The following PCDH11X variants were observed in gnomAD, a reference collection of about 807,000 sequenced individuals.
PCDH11X encodes the protein protocadherin 11 X-linked, also known as protocadherin-11 X-linked.
Under a neutral mutation model 53.3 loss-of-function variants are expected in PCDH11X, and 18 were observed. The observed-to-expected ratio is 0.34, with a 90% CI of 0.23 to 0.50. The LOEUF is 0.50. Ranked by LOEUF, PCDH11X falls within the 20% of genes least tolerant of loss-of-function variation. PCDH11X has a pLI of 0.98. For synonymous variants in PCDH11X, 279 were observed against 393.3 expected (o/e 0.71, Z 3.44); for missense variants, 570 against 1,032.4 (o/e 0.55, Z 6.14).
intron 6 of PCDH11X, among the ~76,000 whole-genome samples, chrX:92,157,538 A>G (rs1167634195): frequency 8.9e-6 from 1 of 112,098 alleles, no homozygotes; most frequent in Non-Finnish European, 1.9e-5. Flanking sequence ...GTGAGTCACT[A>G]TAAGAAAACG....
At chrX:92,022,760 CAT>C (rs902750750) in intron 6 of PCDH11X, among the ~76,000 whole-genome samples, 1 of 111,822 alleles carries the variant, frequency 8.9e-6, no homozygotes, top group Non-Finnish European at 1.9e-5. Context: ...AAATCAACCA[CAT>C]GATTCGAAGT....
intron 6 of PCDH11X, among the ~76,000 whole-genome samples, chrX:92,177,276 C>A (rs942752551): frequency 1.8e-5 from 2 of 111,293 alleles, no homozygotes; most frequent in African/African-American, 6.5e-5. Context: ...CTGTGCCCGG[C>A]CACAAGGTAG....
At chrX:92,161,530 T>C (rs1260072095) in intron 6 of PCDH11X, among the ~76,000 whole-genome samples, 1 of 110,555 alleles carries the variant, frequency 9.0e-6, no homozygotes, top group African/African-American at 3.3e-5. Context: ...TCCCAGGTGT[T>C]CTTTGAGCTT....
intron 5 of PCDH11X, among the ~76,000 whole-genome samples, chrX:91,859,076 T>C (rs1056135662): frequency 9.1e-5 from 10 of 109,456 alleles, no homozygotes; most frequent in African/African-American, 3.3e-4. Flanking sequence ...GAATCCACAG[T>C]TTACAACAAC....
chrX:92,277,998 A>G (rs1373561301), intron 8 of PCDH11X, among the ~76,000 whole-genome samples: 1 of 111,718 alleles, frequency 9.0e-6, no homozygotes, highest in Non-Finnish European at 1.9e-5. Context: ...GCGTCCCTGC[A>G]ATGATTAAAC....
intron 6 of PCDH11X, among the ~76,000 whole-genome samples, chrX:92,051,560 G>A (rs1333874910): frequency 2.7e-5 from 3 of 111,353 alleles, no homozygotes; most frequent in African/African-American, 9.8e-5. Context: ...TATTTCTACA[G>A]TACTAGTAAC....
intron 9 of PCDH11X, among the ~76,000 whole-genome samples, chrX:92,437,833 C>G (rs1214860009): frequency 9.1e-6 from 1 of 109,462 alleles, no homozygotes; most frequent in Non-Finnish European, 1.9e-5. Flanking sequence ...GCTTTAAGCC[C>G]TAATATGACT....
At chrX:92,577,391 A>C (rs1923109917) in intron 10 of PCDH11X, among the ~76,000 whole-genome samples, 1 of 109,646 alleles carries the variant, frequency 9.1e-6, no homozygotes. Context: ...CAGTGGTGGT[A>C]TCCCCCTTAT....
intron 6 of PCDH11X, among the ~76,000 whole-genome samples, chrX:92,038,118 C>T (rs1284206121): frequency 1.8e-5 from 2 of 110,588 alleles, no homozygotes; most frequent in Non-Finnish European, 3.8e-5. Context: ...AAATTCAGAG[C>T]CTGACAATGT....
intron 9 of PCDH11X, among the ~76,000 whole-genome samples, chrX:92,426,451 A>G (rs1166003783): frequency 9.0e-6 from 1 of 110,515 alleles, no homozygotes; most frequent in Admixed American, 9.7e-5. Flanking sequence ...TGTAATAACA[A>G]TTTGTCCTGC....
At chrX:92,409,806 T>G (rs937208336) in intron 9 of PCDH11X, among the ~76,000 whole-genome samples, 16 of 112,173 alleles carry the variant, frequency 1.4e-4, no homozygotes, top group African/African-American at 5.2e-4. Flanking sequence ...CTCTACCTCA[T>G]TTTGCTTGTG....
intron 9 of PCDH11X, among the ~76,000 whole-genome samples, chrX:92,419,669 C>CTTTTTT (rs757189751): frequency 1.8e-5 from 1 of 54,190 alleles, no homozygotes; most frequent in African/African-American, 7.7e-5. Context: ...TCCCTCCACC[C>CTTTTTT]TTTTTTTTTT....
At chrX:92,600,885 C>T (rs1047799378) in intron 10 of PCDH11X, among the ~76,000 whole-genome samples, 1 of 101,497 alleles carries the variant, frequency 9.9e-6, no homozygotes, top group Non-Finnish European at 2.0e-5. Flanking sequence ...ATCAGTGTGA[C>T]GTGGATGTGA....
At chrX:91,884,077 G>T (rs1440798528) in intron 6 of PCDH11X, 1 of 121,705 alleles carries the variant, frequency 8.2e-6, no homozygotes, top group Non-Finnish European at 1.5e-5. Context: ...TGTAATCCCA[G>T]CTACTCGGGA....
rs991274302 is a variant in PCDH11X, at chrX:92,317,952, A to G, written c.3144+54809A>G. ...AATGTTAGTTATTGTTATTAGTAGT[A>G]CTGATAGTAGAAGTAGTAACAATAG... is the stretch of plus-strand genomic sequence containing the variant. On this transcript the variant is annotated intron_variant, in intron 8 of 10. Transcript: ENST00000682573. Among the ~76,000 whole-genome samples, 12 of 111,558 alleles carry G rather than the reference A, an allele frequency of 1.1e-4. No homozygotes were observed. In the Admixed American group the frequency reaches 1.2e-3, roughly 11 times the overall value.
chrX:92,296,540 C>T (rs1328158843), intron 8 of PCDH11X, among the ~76,000 whole-genome samples: 1 of 111,323 alleles, frequency 9.0e-6, no homozygotes, highest in Non-Finnish European at 1.9e-5. Flanking sequence ...AGGACAATGG[C>T]GTCCAGCTCC....
intron 4 of PCDH11X, among the ~76,000 whole-genome samples, chrX:91,813,079 T>C (rs1936341118): frequency 9.0e-6 from 1 of 111,305 alleles, no homozygotes; most frequent in African/African-American, 3.3e-5. Context: ...ATTCAGGTAG[T>C]AAAGCCAAAT....
rs746761322 is a variant in PCDH11X at position 92,077,342 on chromosome X, C to T, written c.3034-124033C>T. On this transcript the variant is annotated intron_variant, in intron 6 of 10. Transcript: ENST00000682573. ...ATAGCTGAAGGAACACCCGAGCAGA[C>T]GTAAGGAAATATTAATCCTAGCTTT... is the stretch of plus-strand genomic sequence containing the variant. Among the ~76,000 whole-genome samples, 179 of 106,268 alleles carry T rather than the reference C, an allele frequency of 1.7e-3. 1 individual carries two copies. The highest frequency in any genetic ancestry group is 2.9e-3 in the Non-Finnish European group (152 of 51,582). The allele number at this position is 106,268 out of a possible 115,157, so 92.3% of individuals were successfully genotyped here.
At chrX:92,219,061 C>A (rs1289951198) in intron 7 of PCDH11X, among the ~76,000 whole-genome samples, 1 of 111,050 alleles carries the variant, frequency 9.0e-6, no homozygotes, top group Non-Finnish European at 1.9e-5. Flanking sequence ...ATAATTAGAG[C>A]TATCTATGAC....
Sources: gnomAD v4.1 joint callset for allele counts (sites outside exome capture counted in the v4.1 genomes callset) on GRCh38, gnomAD v4.1.1 for gene constraint, MANE v1.5 for transcripts, NCBI Gene and HGNC (gene_info 2026-07-23, HGNC 2026-07-21) for gene names.